Variants in LHFPL3 observed in about 807,000 individuals in gnomAD.
LHFPL3 encodes the protein LHFPL tetraspan subfamily member 3.
Under a neutral mutation model 19.3 loss-of-function variants are expected in LHFPL3, and 5 were observed. The ratio of observed to expected loss-of-function variants is 0.26; its 90% CI spans 0.14 to 0.54. LHFPL3 has a LOEUF of 0.54. Ranked by LOEUF, LHFPL3 falls within the 20% of genes least tolerant of loss-of-function variation. The pLI, the probability that LHFPL3 is intolerant of heterozygous loss-of-function variation, is 0.94. For synonymous variants in LHFPL3, 133 were observed against 126.2 expected (o/e 1.05, Z -0.36); for missense variants, 249 against 307.4 (o/e 0.81, Z 1.42).
chr7:104,807,575 A>G (rs148053092), intron 2 of LHFPL3, among the ~76,000 whole-genome samples: 1 of 152,354 alleles, frequency 6.6e-6, no homozygotes, highest in African/African-American at 2.4e-5. Context: ...TCAAACTCAC[A>G]TAAAGGTGTT....
intron 2 of LHFPL3, among the ~76,000 whole-genome samples, chr7:104,882,910 C>A (rs1792083568): frequency 6.6e-6 from 1 of 152,170 alleles, no homozygotes; most frequent in African/African-American, 2.4e-5. Context: ...GACTGGCTGC[C>A]TCATTTGCCT....
At chr7:104,560,539 T>C (rs528120546) in intron 1 of LHFPL3, among the ~76,000 whole-genome samples, 2 of 150,156 alleles carry the variant, frequency 1.3e-5, no homozygotes, top group East Asian at 3.9e-4. Flanking sequence ...CCCTTTATCA[T>C]TTTTTATTGC....
At chr7:104,495,288 G>A (rs528280284) in intron 1 of LHFPL3, among the ~76,000 whole-genome samples, 1 of 152,222 alleles carries the variant, frequency 6.6e-6, no homozygotes, top group East Asian at 1.9e-4. Flanking sequence ...GCTCACTGCA[G>A]CCTTGAACAC....
At chr7:104,530,869 G>A (rs1041301063) in intron 1 of LHFPL3, among the ~76,000 whole-genome samples, 1 of 152,126 alleles carries the variant, frequency 6.6e-6, no homozygotes, top group African/African-American at 2.4e-5. Flanking sequence ...TCATTTACTT[G>A]TCTGGTAATA....
chr7:104,613,323 T>C (rs2216243), intron 1 of LHFPL3, among the ~76,000 whole-genome samples: 28,442 of 152,044 alleles, frequency 0.19, 3,316 homozygotes, highest in South Asian at 0.39. Flanking sequence ...GCATATCTGG[T>C]TTAAAAGCAA....
chr7:104,736,861 G>C lies in LHFPL3; in HGVS notation c.632G>C (p.Gly211Ala), dbSNP rs1010899256. 6.2e-7 allele frequency: 1 copy of C among 1,611,966 alleles called. No individual in the cohort carries two copies. The highest frequency in any genetic ancestry group is 8.5e-7 in the Non-Finnish European group (1 of 1,179,116). The change falls in exon 2 of 3, where the codon GGT becomes GCT. Residue 211 changes from glycine to alanine, a missense_variant. Coordinates refer to ENST00000424859, the MANE Select transcript of LHFPL3 (RefSeq NM_199000.3). ...LILSFLAFVLGNRQDSLMAEE... is the reference protein window; with the variant it reads ...LILSFLAFVLANRQDSLMAEE... ...CTCTCATTTCTAGCATTTGTGCTTG[G>C]TAATCGACAAGACAGCTTGATGGCA... is the stretch of plus-strand genomic sequence containing the variant.
intron 1 of LHFPL3, among the ~76,000 whole-genome samples, chr7:104,466,808 C>A (rs1792795376): frequency 6.6e-6 from 1 of 152,212 alleles, no homozygotes; most frequent in African/African-American, 2.4e-5. Context: ...TAGGGCTCCA[C>A]ATGTTTCCAG....
chr7:104,594,726 T>G (rs1790805188), intron 1 of LHFPL3, among the ~76,000 whole-genome samples: 1 of 152,212 alleles, frequency 6.6e-6, no homozygotes, highest in African/African-American at 2.4e-5. Context: ...CTTGGAGGCT[T>G]TGTTCATTCC....
intron 2 of LHFPL3, among the ~76,000 whole-genome samples, chr7:104,762,295 A>G (rs1399024000): frequency 6.6e-6 from 1 of 152,226 alleles, no homozygotes; most frequent in African/African-American, 2.4e-5. Context: ...GCATCTGGAC[A>G]ATAATGTGAC....
chr7:104,422,388 A>G (rs1791751190), intron 1 of LHFPL3, among the ~76,000 whole-genome samples: 2 of 151,970 alleles, frequency 1.3e-5, no homozygotes, highest in Non-Finnish European at 2.9e-5. Flanking sequence ...AACAAGAACA[A>G]ATATTTCAGT....
intron 1 of LHFPL3, among the ~76,000 whole-genome samples, chr7:104,426,196 G>A (rs1201953548): frequency 6.6e-6 from 1 of 152,110 alleles, no homozygotes; most frequent in Non-Finnish European, 1.5e-5. Context: ...TATTTCTTAG[G>A]TTGATAGGTA....
chr7:104,651,257 C>G (rs1268696093), intron 1 of LHFPL3, among the ~76,000 whole-genome samples: 1 of 152,206 alleles, frequency 6.6e-6, no homozygotes, highest in East Asian at 1.9e-4. Flanking sequence ...CCTCCTCAAG[C>G]TCTAAAACTG....
At position 104,566,586 on chromosome 7, in the gene LHFPL3, A is replaced by T. The variant is rs552089962; in HGVS notation, c.446-170089A>T. Among the ~76,000 whole-genome samples, 7 of 152,332 alleles carry T rather than the reference A, an allele frequency of 4.6e-5. No individual in the cohort carries two copies. The South Asian group carries it at 1.5e-3, about 32-fold the overall frequency. ...CATGTTATTAAAACAGAGATGTTAG[A>T]AGCCCGTACCATGAGTCTGACCCTT... is the stretch of plus-strand genomic sequence containing the variant. On this transcript the variant is annotated intron_variant, in intron 1 of 2. Coordinates refer to ENST00000424859, the MANE Select transcript of LHFPL3 (RefSeq NM_199000.3).
chr7:104,427,323 C>T (rs1791866801), intron 1 of LHFPL3, among the ~76,000 whole-genome samples: 1 of 152,200 alleles, frequency 6.6e-6, no homozygotes. Flanking sequence ...CTAATTTGAA[C>T]TTAATGATAA....
At chr7:104,420,017 G>A (rs1246644831) in intron 1 of LHFPL3, among the ~76,000 whole-genome samples, 3 of 152,198 alleles carry the variant, frequency 2.0e-5, no homozygotes, top group East Asian at 1.9e-4. Context: ...AAGCAAGGCA[G>A]AGGAGAGCTT....
At position 104,425,434 on chromosome 7, in the gene LHFPL3, T is replaced by C. The variant is rs200198777; in HGVS notation, c.445+96210T>C. On this transcript the variant is annotated intron_variant, in intron 1 of 2. Transcript: ENST00000424859. ...CTGTTAGAAATATTGAATGAGATAG[T>C]GTGTGTAAGCTCTTAATATATTGCC... 8.5e-5 allele frequency among the ~76,000 whole-genome samples: 13 copies of C among 152,228 alleles called. No homozygotes were observed. The East Asian group carries it at 1.9e-3, about 23-fold the overall frequency.
intron 1 of LHFPL3, among the ~76,000 whole-genome samples, chr7:104,551,461 A>G (rs1322535201): frequency 6.6e-6 from 1 of 152,024 alleles, no homozygotes; most frequent in East Asian, 1.9e-4. Context: ...TAGGAACATG[A>G]ACTCTTCCCT....
chr7:104,484,933 T>C (rs544533959), intron 1 of LHFPL3, among the ~76,000 whole-genome samples: 8 of 152,202 alleles, frequency 5.3e-5, no homozygotes, highest in African/African-American at 1.7e-4. Flanking sequence ...CAACTCTCAA[T>C]ACTATTACAT....
chr7:104,350,230 C>T (rs1257846160), intron 1 of LHFPL3, among the ~76,000 whole-genome samples: 3 of 152,068 alleles, frequency 2.0e-5, no homozygotes, highest in African/African-American at 4.8e-5. Context: ...TTACACTAGC[C>T]ACACTTCAAA....
Sources: gnomAD v4.1 joint callset for allele counts (sites outside exome capture counted in the v4.1 genomes callset) on GRCh38, gnomAD v4.1.1 for gene constraint, MANE v1.5 for transcripts, NCBI Gene and HGNC (gene_info 2026-07-23, HGNC 2026-07-21) for gene names.